Variants in MYBBP1A observed in about 807,000 individuals in gnomAD.
MYBBP1A encodes myb-binding protein 1A.
MYBBP1A carries 147 observed loss-of-function variants against 136.3 expected under a neutral mutation model. That is an observed-to-expected ratio of 1.08 (90% CI 0.94 to 1.24). MYBBP1A has a LOEUF of 1.24. Among genes scored for constraint, MYBBP1A ranks in the 50% most tolerant of loss-of-function variants. The probability of loss-of-function intolerance (pLI) is 0.00; values close to 1 mark genes in which losing one functional copy is unlikely to be tolerated. For synonymous variants in MYBBP1A, 947 were observed against 735.8 expected (o/e 1.29, Z -4.65); for missense variants, 2,060 against 1,727.4 (o/e 1.19, Z -3.41).
intron 8 of MYBBP1A, 152 bp downstream of exon 8, chr17:4,551,728 C>T (rs537353533): frequency 7.3e-5 from 48 of 660,424 alleles, no homozygotes; most frequent in African/African-American, 3.7e-4. Context: ...AAAATTTGTC[C>T]GAGGGAAAGG....
At chr17:4,551,367 C>T (rs940806257) in intron 8 of MYBBP1A, among the ~76,000 whole-genome samples, 5 of 152,362 alleles carry the variant, frequency 3.3e-5, no homozygotes, top group Middle Eastern at 3.4e-3. Context: ...GCTGGCTATC[C>T]ATGCCCACAA....
rs201893012 is a variant in MYBBP1A at position 4,544,685 on chromosome 17, C to T, written c.2482-39G>A. 6.2e-4 allele frequency: 900 copies of T among 1,444,068 alleles called. 1 individual carries two copies. Among genetic ancestry groups the T allele is most frequent in the Admixed American group, 1.3e-3 (62 of 47,860 alleles). 89.5% of individuals were successfully genotyped at this position (1,444,068 alleles called of 1,614,324 possible). On this transcript the variant is annotated intron_variant, in intron 18 of 25. Coordinates refer to ENST00000254718, the MANE Select transcript of MYBBP1A (RefSeq NM_014520.4). ...GGCAGGTCAGCAACACGGGGGTGGGCGCACAGGGAGGCGGGGGTGGGCGCA... is the reference window on the plus strand; with the variant it reads ...GGCAGGTCAGCAACACGGGGGTGGGTGCACAGGGAGGCGGGGGTGGGCGCA...
At position 4,539,919 on chromosome 17, in the gene MYBBP1A, G is replaced by A. The variant is rs1241579329; in HGVS notation, c.3483C>T (p.Thr1161=). The part of the protein sequence containing the change: ...KKDAKEIPSA[T]QSPISKKRKK... ...TCCGCTTCTTACTGATGGGGCTCTG[G>A]GTGGCACTGGGGATCTCCTTGGCAT... is the stretch of plus-strand genomic sequence containing the variant. Residue 1161 remains threonine, a synonymous_variant, in exon 26 of 26, where the codon ACC becomes ACT. Coordinates refer to ENST00000254718, the MANE Select transcript of MYBBP1A (RefSeq NM_014520.4). The A allele has an allele frequency of 1.9e-6, 3 of 1,599,870 alleles. No individual in the cohort carries two copies. Among genetic ancestry groups the A allele is most frequent in the African/African-American group, 1.3e-5 (1 of 74,916 alleles).
intron 13 of MYBBP1A, among the ~76,000 whole-genome samples, chr17:4,547,167 G>C (rs1230197579): frequency 6.6e-6 from 1 of 152,042 alleles, no homozygotes; most frequent in Non-Finnish European, 1.5e-5. Context: ...CTTGGTCTCC[G>C]GAAGTACTGG....
intron 13 of MYBBP1A, 85 bp downstream of exon 13, chr17:4,547,873 C>A (rs573539852): frequency 1.8e-5 from 21 of 1,199,250 alleles, no homozygotes; most frequent in Middle Eastern, 5.8e-4. Flanking sequence ...TGGAAACCCG[C>A]ACAGCCCTCA....
At chr17:4,544,458 A>C (rs979628258) in intron 19 of MYBBP1A, 31 bp downstream of exon 19, 2 of 1,543,082 alleles carry the variant, frequency 1.3e-6, no homozygotes, top group Admixed American at 2.0e-5. Context: ...GCTGCCGGCC[A>C]CACCTGCCCG....
intron 9 of MYBBP1A, 51 bp from the exon 10 acceptor site, chr17:4,549,493 C>T (rs772411603): frequency 1.3e-6 from 2 of 1,541,036 alleles, no homozygotes. Context: ...CTGGCAGAAA[C>T]AGGCTGGGCC....
chr17:4,553,758 A>C, intron 5 of MYBBP1A, 52 bp downstream of exon 5: 1 of 1,396,034 alleles, frequency 7.2e-7, no homozygotes, highest in African/African-American at 1.4e-5. Context: ...AGCCCCCTTG[A>C]TGTCTCTGTA....
chr17:4,540,089 T>G (rs1906227414), intron 25 of MYBBP1A, 122 bp from the exon 26 acceptor site: 9 of 1,279,522 alleles, frequency 7.0e-6, no homozygotes, highest in Non-Finnish European at 9.7e-6. Flanking sequence ...GTGAGGCCCC[T>G]ATGAGGGTCC....
rs1297302055 is a variant in MYBBP1A, at chr17:4,540,298, G to A, written c.3434+50C>T. 3.2e-6 allele frequency: 5 copies of A among 1,555,480 alleles called. No homozygotes were observed. In the South Asian group the frequency reaches 5.9e-5, roughly 18 times the overall value. On this transcript the variant is annotated intron_variant, in intron 25 of 25. Transcript: ENST00000254718. ...CGTGTGTGTGTGTGCAGCAGCGTGA[G>A]GGTGTTCCCAGCCCCTACCCAAGGT...
At chr17:4,553,553 G>A (rs892233060) in intron 5 of MYBBP1A, among the ~76,000 whole-genome samples, 1 of 152,212 alleles carries the variant, frequency 6.6e-6, no homozygotes, top group African/African-American at 2.4e-5. Flanking sequence ...CAAAAAGAGT[G>A]TAAGATATCT....
rs1229769118 is a variant in MYBBP1A at position 4,540,610 on chromosome 17, C to G, written c.3298-126G>C. 6.7e-6 allele frequency: 8 copies of G among 1,185,380 alleles called. No individual in the cohort carries two copies. In the Admixed American group the frequency reaches 2.2e-4, roughly 32 times the overall value. The allele number at this position is 1,185,380 out of a possible 1,614,324, so 73.4% of individuals were successfully genotyped here. ...ACCCCTGCCCCTTCCTGGGCCTCAG[C>G]CTCTCCTTCTGCCTGTTAAGTCATC... On this transcript the variant is annotated intron_variant, in intron 24 of 25. Coordinates refer to ENST00000254718, the MANE Select transcript of MYBBP1A (RefSeq NM_014520.4).
rs969755845 is a variant in MYBBP1A at position 4,552,360 on chromosome 17, G to A, written c.738-68C>T. On this transcript the variant is annotated intron_variant, in intron 6 of 25. Transcript: ENST00000254718. This position sits in a 1 kb window ranked among gnomAD's most constrained non-coding sequence, Gnocchi z 4.7. ...AAGGGCCAGGGTGACAAGAGCAGCCGGGACACCCCCAGGCCAAACGACAAA... is the reference window on the plus strand; with the variant it reads ...AAGGGCCAGGGTGACAAGAGCAGCCAGGACACCCCCAGGCCAAACGACAAA... 4.0e-5 allele frequency: 64 copies of A among 1,605,318 alleles called. No homozygotes were observed. Among genetic ancestry groups the A allele is most frequent in the Non-Finnish European group, 5.2e-5 (61 of 1,176,252 alleles).
chr17:4,539,476 G>T lies in MYBBP1A; in HGVS notation c.3926C>A (p.Pro1309His). 1 of 1,614,134 alleles carries T rather than the reference G, an allele frequency of 6.2e-7. No homozygotes were observed. Among genetic ancestry groups the T allele is most frequent in the South Asian group, 1.1e-5 (1 of 91,070 alleles). ...KARLSLVIRS[P>H]SLLQSGAKKK... Reference sequence around the variant, plus strand: ...CTTGGCCCCACTCTGAAGCAGGCTGGGACTCCTGATGACCAAAGACAGCCT... The same window carrying T: ...CTTGGCCCCACTCTGAAGCAGGCTGTGACTCCTGATGACCAAAGACAGCCT... Residue 1309 changes from proline to histidine, a missense_variant, in exon 26 of 26, where the codon CCC becomes CAC. By Grantham distance (77) the Pro-to-His change is moderately conservative. Coordinates refer to ENST00000254718, the MANE Select transcript of MYBBP1A (RefSeq NM_014520.4).
rs565454228 is a variant in MYBBP1A at position 4,552,234 on chromosome 17, C to T, written c.796G>A (p.Ala266Thr). 3.0e-5 allele frequency: 49 copies of T among 1,614,178 alleles called. No individual in the cohort carries two copies. Among genetic ancestry groups the T allele is most frequent in the East Asian group, 2.5e-4 (11 of 44,886 alleles). The change falls in exon 7 of 26, where the codon GCC (alanine) becomes ACC (threonine). Residue 266 changes from alanine (A) to threonine (T), a missense_variant. Ala to Thr is a moderately conservative substitution (Grantham distance 58). Coordinates refer to ENST00000254718, the MANE Select transcript of MYBBP1A (RefSeq NM_014520.4). The surrounding 1 kb of genome is among the most constrained non-coding windows in gnomAD (Gnocchi z 4.7). ...SSVKKDRKLP[A>T]IALDLLRLAL... is the part of the protein sequence containing the mutation. ...AGGCGGAGCAGGTCCAGAGCAATGG[C>T]GGGCAGCTTGCGGTCCTTCTTCACA...
rs1161599815 is a variant in MYBBP1A, at chr17:4,548,872, G to A, written c.1431-223C>T. On this transcript the variant is annotated intron_variant, in intron 10 of 25. Transcript: ENST00000254718. This position sits in a 1 kb window ranked among gnomAD's most constrained non-coding sequence, Gnocchi z 4.2. ...CTGCTCTGGATCCCCAGCTGAACGC[G>A]GGTTAACCCGAGCTAGAGAGAGTCA... Among the ~76,000 whole-genome samples the A allele has an allele frequency of 6.6e-6, 1 of 152,250 alleles. No homozygotes were observed. Among genetic ancestry groups the A allele is most frequent in the African/African-American group, 2.4e-5 (1 of 41,464 alleles).
In MYBBP1A at chr17:4,549,448, G is replaced by T; in HGVS notation, c.1320-6C>A. The T allele has an allele frequency of 6.2e-7, 1 of 1,611,200 alleles. No individual in the cohort carries two copies. The highest frequency in any genetic ancestry group is 1.7e-5 in the Admixed American group (1 of 59,880). On this transcript the variant is annotated splice_polypyrimidine_tract_variant and splice_region_variant and intron_variant, in intron 9 of 25. Coordinates refer to ENST00000254718, the MANE Select transcript of MYBBP1A (RefSeq NM_014520.4). ...GGAACACAGCTCGCTCAGGCCTAGC[G>T]GGGCAGGAGGCGAGGTCATGTGAGC... is the stretch of plus-strand genomic sequence containing the variant.
rs1293479120 is a variant in MYBBP1A, at chr17:4,543,000, C to T, written c.2805G>A (p.Lys935=). ...NASLYLLRVL[K]GNTAEGCVHE... is the part of the protein sequence containing the mutation. ...GCACGCAGCCCTCAGCAGTGTTGCC[C>T]TTCAAGACCCGGAGCAGGTAGAGAG... The change falls in exon 20 of 26, where the codon AAG becomes AAA. Residue 935 remains lysine, a synonymous_variant. Coordinates refer to ENST00000254718, the MANE Select transcript of MYBBP1A (RefSeq NM_014520.4). 1.2e-6 allele frequency: 2 copies of T among 1,614,050 alleles called. No individual in the cohort carries two copies. The highest frequency in any genetic ancestry group is 1.7e-6 in the Non-Finnish European group (2 of 1,180,004).
Position 4,538,953 on chromosome 17 carries a change from C to G in MYBBP1A, c.*462G>C, listed in dbSNP as rs781766107. 1 of 785,250 alleles carries G rather than the reference C, an allele frequency of 1.3e-6. No homozygotes were observed. Among genetic ancestry groups the G allele is most frequent in the Non-Finnish European group, 2.4e-6 (1 of 421,928 alleles). 48.6% of individuals were successfully genotyped at this position (785,250 alleles called of 1,614,324 possible). ...CAAACTGCTCCTTTATTTTTTAGAG[C>G]TGCTGATTGTGAATCTCAGAGTCTT... On this transcript the variant is annotated 3_prime_UTR_variant, in exon 26 of 26. Coordinates refer to ENST00000254718, the MANE Select transcript of MYBBP1A (RefSeq NM_014520.4).
Sources: allele counts gnomAD v4.1 joint callset (sites outside exome capture counted in the v4.1 genomes callset), GRCh38; gene constraint gnomAD v4.1.1; non-coding constraint Gnocchi (gnomAD v3.1); transcripts MANE v1.5; gene names NCBI Gene and HGNC (gene_info 2026-07-23, HGNC 2026-07-21).